Variants in FTO observed in about 807,000 individuals in gnomAD.
The protein encoded by FTO is alpha-ketoglutarate-dependent dioxygenase FTO.
A neutral mutation model predicts 63.9 loss-of-function variants in FTO; 47 were observed. The observed-to-expected ratio is 0.74, with a 90% CI of 0.58 to 0.94. The LOEUF (loss-of-function observed/expected upper bound fraction) is 0.94. FTO is among the 40% of genes least tolerant of loss of function. The pLI, the probability that FTO is intolerant of heterozygous loss-of-function variation, is 0.00. For missense variants in FTO, 562 were observed against 618.1 expected, an observed-to-expected ratio of 0.91 and a Z score of 0.96; for synonymous variants, 207 against 224.4, an observed-to-expected ratio of 0.92 and a Z score of 0.69.
chr16:53,853,571 A>G (rs1422225292), intron 4 of FTO, among the ~76,000 whole-genome samples: 1 of 152,104 alleles, frequency 6.6e-6, no homozygotes, highest in Non-Finnish European at 1.5e-5. Flanking sequence ...AGAACATGCA[A>G]TATTTGTTTG....
intron 8 of FTO, among the ~76,000 whole-genome samples, chr16:53,945,868 G>A (rs2082640457): frequency 6.6e-6 from 1 of 152,174 alleles, no homozygotes; most frequent in African/African-American, 2.4e-5. Context: ...TGCCCTTAAG[G>A]TGAAAGGGTA....
chr16:53,994,988 C>T (rs1357866515), intron 8 of FTO, among the ~76,000 whole-genome samples: 3 of 152,194 alleles, frequency 2.0e-5, no homozygotes, highest in Non-Finnish European at 4.4e-5. Context: ...CCCGTCTCGG[C>T]CTCCTCTTAA....
At chr16:53,994,618 C>T (rs1353713020) in intron 8 of FTO, among the ~76,000 whole-genome samples, 1 of 152,178 alleles carries the variant, frequency 6.6e-6, no homozygotes, top group Non-Finnish European at 1.5e-5. Flanking sequence ...CTGCCTCAGC[C>T]TCCCAAAGCG....
At position 53,979,535 on chromosome 16, in the gene FTO, CTGTGTGTGTG is replaced by C. The variant is rs57334871; in HGVS notation, c.1364+45449_1364+45458del. The C allele has an allele frequency of 3.4e-3, 1,274 of 373,222 alleles. 3 individuals are homozygous for C. The highest frequency in any genetic ancestry group is 0.012 in the African/African-American group (580 of 46,830). The allele number at this position is 373,222 out of a possible 1,614,324, so 23.1% of individuals were successfully genotyped here. Reference sequence around the variant, plus strand: ...GATTGGATCTTTTTTATGTTTATGGCTGTGTGTGTGTGTGTGTGTGTGTGTGTGTGTGCGC... The same window carrying C: ...GATTGGATCTTTTTTATGTTTATGGCTGTGTGTGTGTGTGTGTGTGTGCGC... On this transcript the variant is annotated intron_variant, in intron 8 of 8. Coordinates refer to ENST00000471389, the MANE Select transcript of FTO (RefSeq NM_001080432.3).
At chr16:53,953,395 G>A (rs916873528) in intron 8 of FTO, among the ~76,000 whole-genome samples, 2 of 152,182 alleles carry the variant, frequency 1.3e-5, no homozygotes, top group Non-Finnish European at 2.9e-5. Context: ...CACTGGAATT[G>A]TAGGCCTTGT....
chr16:53,867,620 G>A (rs2080361335), intron 4 of FTO, among the ~76,000 whole-genome samples: 1 of 151,848 alleles, frequency 6.6e-6, no homozygotes, highest in South Asian at 2.1e-4. Context: ...CCAGAATGTG[G>A]TCTGTTTTGG....
rs111625983 is a variant in FTO, at chr16:53,995,955, G to A, written c.1364+61846G>A. 4.6e-5 allele frequency among the ~76,000 whole-genome samples: 7 copies of A among 152,260 alleles called. 1 individual carries two copies. The highest frequency in any genetic ancestry group is 1.4e-4 in the African/African-American group (6 of 41,552). On this transcript the variant is annotated intron_variant, in intron 8 of 8. Coordinates refer to ENST00000471389, the MANE Select transcript of FTO (RefSeq NM_001080432.3). ...GAATTCTGGGAAGGATTTTCTTCCT[G>A]GTAAAAAGACAGAGCCTCATGTTTG... is the stretch of plus-strand genomic sequence containing the variant.
chr16:54,103,466 C>T (rs1412759011), intron 8 of FTO, among the ~76,000 whole-genome samples: 1 of 152,196 alleles, frequency 6.6e-6, no homozygotes, highest in African/African-American at 2.4e-5. Flanking sequence ...GGCTTTTCCT[C>T]ACTCTCTGAT....
chr16:53,968,860 G>A (rs530364328), intron 8 of FTO, among the ~76,000 whole-genome samples: 1 of 152,286 alleles, frequency 6.6e-6, no homozygotes, highest in Admixed American at 6.5e-5. Context: ...GTTTTGCTTT[G>A]TTGTTATGTG....
chr16:53,802,110 A>G (rs184833089), intron 1 of FTO, among the ~76,000 whole-genome samples: 17 of 152,200 alleles, frequency 1.1e-4, no homozygotes, highest in Admixed American at 5.2e-4. Context: ...TAGTACCTTC[A>G]TCTCTTGCTA....
chr16:53,806,545 G>A lies in FTO; in HGVS notation c.46-3595G>A, dbSNP rs185883899. The stretch of plus-strand genomic sequence containing the variant: ...GCTTTTTAGTTCATAAACAGAGAGC[G>A]TCCTTGTTTTTGTTTACTGTTGCTT... On this transcript the variant is annotated intron_variant, in intron 1 of 8. Transcript: ENST00000471389. Among the ~76,000 whole-genome samples the A allele has an allele frequency of 1.9e-4, 29 of 152,268 alleles. No homozygotes were observed. In the East Asian group the frequency reaches 2.1e-3, roughly 11 times the overall value.
intron 1 of FTO, among the ~76,000 whole-genome samples, chr16:53,781,774 A>C (rs1488052557): frequency 6.6e-6 from 1 of 151,118 alleles, no homozygotes; most frequent in African/African-American, 2.5e-5. Context: ...GGCTTCACTG[A>C]TGCATTCTTT....
chr16:53,995,232 G>C (rs189044320), intron 8 of FTO, among the ~76,000 whole-genome samples: 38 of 152,344 alleles, frequency 2.5e-4, no homozygotes, highest in African/African-American at 8.9e-4. Context: ...CCCGTTGAGG[G>C]CGAAGTTGTC....
intron 8 of FTO, among the ~76,000 whole-genome samples, chr16:54,086,663 A>C (rs572255180): frequency 4.5e-4 from 69 of 152,338 alleles, no homozygotes; most frequent in African/African-American, 1.6e-3. Context: ...ATAATTTACC[A>C]GCTATGGATC....
At chr16:53,715,410 G>A (rs892570838) in intron 1 of FTO, among the ~76,000 whole-genome samples, 1 of 152,128 alleles carries the variant, frequency 6.6e-6, no homozygotes, top group African/African-American at 2.4e-5. Flanking sequence ...TTTGCAGGTA[G>A]CAAATGTCAA....
chr16:53,996,725 A>G (rs1481807916), intron 8 of FTO, among the ~76,000 whole-genome samples: 1 of 152,204 alleles, frequency 6.6e-6, no homozygotes, highest in Non-Finnish European at 1.5e-5. Context: ...ACTGACAGTC[A>G]TGGCAGAAGG....
chr16:53,849,306 G>A (rs536630585), intron 4 of FTO, among the ~76,000 whole-genome samples: 13 of 152,308 alleles, frequency 8.5e-5, no homozygotes, highest in Middle Eastern at 3.4e-3. Flanking sequence ...GGCTTTGCAA[G>A]CTATAATTTG....
intron 8 of FTO, among the ~76,000 whole-genome samples, chr16:53,968,960 G>A (rs143546198): frequency 1.3e-5 from 2 of 152,268 alleles, no homozygotes; most frequent in South Asian, 2.1e-4. Context: ...AAACTTTCAC[G>A]ATATTCACAA....
At chr16:53,781,168 T>C (rs745345956) in intron 1 of FTO, among the ~76,000 whole-genome samples, 7 of 152,212 alleles carry the variant, frequency 4.6e-5, no homozygotes, top group Non-Finnish European at 1.0e-4. Flanking sequence ...ATTTTTCCAA[T>C]TGAGTAATCA....
Sources: gnomAD v4.1 joint callset for allele counts (sites outside exome capture counted in the v4.1 genomes callset) on GRCh38, gnomAD v4.1.1 for gene constraint, MANE v1.5 for transcripts, NCBI Gene and HGNC (gene_info 2026-07-23, HGNC 2026-07-21) for gene names.